The following CNTNAP4 variants were observed in gnomAD, a reference collection of about 807,000 sequenced individuals.
CNTNAP4 encodes contactin associated protein family member 4, also known as contactin-associated protein-like 4.
A neutral mutation model predicts 148.4 loss-of-function variants in CNTNAP4; 98 were observed. The ratio of observed to expected loss-of-function variants is 0.66; its 90% CI spans 0.56 to 0.78. The LOEUF (loss-of-function observed/expected upper bound fraction) is 0.78. Among genes scored for constraint, CNTNAP4 ranks in the 30% least tolerant of loss-of-function variants. The pLI is 0.00. For synonymous variants in CNTNAP4, 730 were observed against 565.1 expected (o/e 1.29, Z -4.14); for missense variants, 1,935 against 1,565.6 (o/e 1.24, Z -3.98).
At chr16:76,479,926 GA>G (rs1448142504) in intron 12 of CNTNAP4, among the ~76,000 whole-genome samples, 17 of 152,046 alleles carry the variant, frequency 1.1e-4, no homozygotes, top group African/African-American at 3.9e-4. Flanking sequence ...AATAAACATG[GA>G]AATATGTTTG....
intron 1 of CNTNAP4, among the ~76,000 whole-genome samples, chr16:76,292,334 C>T (rs899712500): frequency 6.6e-6 from 1 of 152,172 alleles, no homozygotes; most frequent in East Asian, 1.9e-4. Flanking sequence ...ATCATTTGTT[C>T]AACCATGAAC....
At chr16:76,338,108 A>T (rs189788162) in intron 2 of CNTNAP4, among the ~76,000 whole-genome samples, 92 of 152,358 alleles carry the variant, frequency 6.0e-4, no homozygotes, top group African/African-American at 2.0e-3. Flanking sequence ...AAAGACAGAC[A>T]TAAGAAATTA....
intron 1 of CNTNAP4, among the ~76,000 whole-genome samples, chr16:76,299,522 C>G (rs1024795245): frequency 6.6e-6 from 1 of 151,914 alleles, no homozygotes; most frequent in African/African-American, 2.4e-5. Flanking sequence ...TGTGGAGAAA[C>G]AGGAACACTT....
At chr16:76,370,943 G>C (rs1276377488) in intron 3 of CNTNAP4, among the ~76,000 whole-genome samples, 2 of 147,088 alleles carry the variant, frequency 1.4e-5, no homozygotes, top group Admixed American at 1.4e-4. Context: ...TTCTGTCCTG[G>C]TAATATTTAT....
intron 3 of CNTNAP4, among the ~76,000 whole-genome samples, chr16:76,418,006 G>T (rs939028707): frequency 6.6e-6 from 1 of 151,534 alleles, no homozygotes; most frequent in Non-Finnish European, 1.5e-5. Flanking sequence ...GCTACCTTTC[G>T]ATGCCCTCTG....
chr16:76,498,572 A>T lies in CNTNAP4; in HGVS notation c.2243A>T (p.Asn748Ile). Residue 748 changes from asparagine to isoleucine, a missense_variant, in exon 15 of 24, where the codon AAT becomes ATT. Physicochemically the swap from Asn to Ile is moderately radical, Grantham distance 149. Coordinates refer to ENST00000611870, the MANE Select transcript of CNTNAP4 (RefSeq NM_033401.5). ...NCDADRNEWT[N>I]DTGLLAYKEH... ...TTGTTGCTATTGTTTTTTAGGACCA[A>T]TGACACTGGATTGCTTGCTTATAAA... The T allele has an allele frequency of 1.2e-6, 2 of 1,610,046 alleles. No homozygotes were observed. The highest frequency in any genetic ancestry group is 1.3e-5 in the African/African-American group (1 of 74,874).
At chr16:76,412,609 G>T (rs1358778219) in intron 3 of CNTNAP4, among the ~76,000 whole-genome samples, 1 of 151,126 alleles carries the variant, frequency 6.6e-6, no homozygotes, top group African/African-American at 2.4e-5. Flanking sequence ...GTTCTAATTG[G>T]CATTGTCCAA....
intron 2 of CNTNAP4, among the ~76,000 whole-genome samples, chr16:76,338,990 G>C (rs192382950): frequency 6.6e-6 from 1 of 152,064 alleles, no homozygotes; most frequent in African/African-American, 2.4e-5. Context: ...TCACATTTTG[G>C]TTTGGCTTCT....
intron 14 of CNTNAP4, among the ~76,000 whole-genome samples, chr16:76,495,533 A>G (rs763168988): frequency 6.6e-6 from 1 of 152,024 alleles, no homozygotes; most frequent in Non-Finnish European, 1.5e-5. Context: ...TGTTCTGTGG[A>G]TTATATTTTG....
At chr16:76,513,133 TA>T (rs2083093894) in intron 15 of CNTNAP4, among the ~76,000 whole-genome samples, 2 of 152,132 alleles carry the variant, frequency 1.3e-5, no homozygotes. Context: ...ATCCAGTAAA[TA>T]AATCCCTGCA....
At chr16:76,444,539 T>C (rs956162171) in intron 4 of CNTNAP4, among the ~76,000 whole-genome samples, 7 of 152,150 alleles carry the variant, frequency 4.6e-5, no homozygotes, top group Non-Finnish European at 8.8e-5. Flanking sequence ...CCAAAATATA[T>C]AGAATTGAAA....
At chr16:76,424,018 C>T (rs529500874) in intron 3 of CNTNAP4, among the ~76,000 whole-genome samples, 2 of 152,076 alleles carry the variant, frequency 1.3e-5, no homozygotes, top group African/African-American at 4.8e-5. Context: ...TCACAATTTT[C>T]CTTACCCTCC....
chr16:76,458,957 C>T (rs112295361), intron 8 of CNTNAP4, among the ~76,000 whole-genome samples: 2,888 of 152,040 alleles, frequency 0.019, 92 homozygotes, highest in African/African-American at 0.066. Flanking sequence ...TGTAGCCTTG[C>T]CAAAATCTAT....
At chr16:76,515,265 G>A (rs193069034) in intron 15 of CNTNAP4, among the ~76,000 whole-genome samples, 1 of 152,110 alleles carries the variant, frequency 6.6e-6, no homozygotes, top group African/African-American at 2.4e-5. Context: ...TAAAATATGG[G>A]TGTTACGTAC....
intron 3 of CNTNAP4, among the ~76,000 whole-genome samples, chr16:76,387,028 A>G (rs1321147463): frequency 3.8e-5 from 5 of 132,822 alleles, no homozygotes; most frequent in Non-Finnish European, 6.3e-5. Context: ...GGACAAGGAA[A>G]TGAATTGTCT....
At chr16:76,558,315 C>A in intron 23 of CNTNAP4, 175 bp from the exon 24 acceptor site, 2 of 509,992 alleles carry the variant, frequency 3.9e-6, no homozygotes, top group Non-Finnish European at 6.9e-6. Context: ...GAAATAAACT[C>A]AACATACAAT....
At chr16:76,474,183 A>C (rs1048314263) in intron 10 of CNTNAP4, among the ~76,000 whole-genome samples, 1 of 151,976 alleles carries the variant, frequency 6.6e-6, no homozygotes, top group Non-Finnish European at 1.5e-5. Context: ...TTAGGCTCCT[A>C]CCTCCCCAGA....
intron 9 of CNTNAP4, among the ~76,000 whole-genome samples, chr16:76,464,925 G>C (rs1027342524): frequency 2.0e-5 from 3 of 152,138 alleles, no homozygotes; most frequent in African/African-American, 7.2e-5. Context: ...TCTCTAGATT[G>C]AGAATGGCTG....
intron 17 of CNTNAP4, among the ~76,000 whole-genome samples, chr16:76,522,586 C>T (rs967614470): frequency 8.1e-6 from 1 of 124,222 alleles, no homozygotes; most frequent in African/African-American, 3.2e-5. Flanking sequence ...TCCTTTCTTT[C>T]TCTCTCTCTC....
Sources: allele counts gnomAD v4.1 joint callset (sites outside exome capture counted in the v4.1 genomes callset), GRCh38; gene constraint gnomAD v4.1.1; transcripts MANE v1.5; gene names NCBI Gene and HGNC (gene_info 2026-07-23, HGNC 2026-07-21).